The following ADCY2 variants were observed in gnomAD, a reference collection of about 807,000 sequenced individuals.
ADCY2 encodes adenylate cyclase type 2.
ADCY2 carries 31 observed loss-of-function variants against 125.2 expected under a neutral mutation model. The observed-to-expected ratio is 0.25, with a 90% CI of 0.19 to 0.33. The LOEUF (loss-of-function observed/expected upper bound fraction) is 0.33, where lower values mean the gene tolerates loss of function less well. ADCY2 is among the 10% of genes least tolerant of loss of function. The pLI is 1.00. For missense variants in ADCY2, 904 were observed against 1,418.2 expected, an observed-to-expected ratio of 0.64 and a Z score of 5.82; for synonymous variants, 512 against 548.4, an observed-to-expected ratio of 0.93 and a Z score of 0.93.
Position 7,396,291 on chromosome 5 carries a change from G to A in ADCY2, c.-6G>A. ...GCGCACGGCGGGCGCCCTGTGAGCG[G>A]CCCCGATGTGGCAGGAGGCGATGCG... On this transcript the variant is annotated 5_prime_UTR_variant, in exon 1 of 25. Coordinates refer to ENST00000338316, the MANE Select transcript of ADCY2 (RefSeq NM_020546.3). This position sits in a 1 kb window ranked among gnomAD's most constrained non-coding sequence, Gnocchi z 5.7. The A allele has an allele frequency of 3.0e-6, 4 of 1,319,116 alleles. No individual in the cohort carries two copies. Among genetic ancestry groups the A allele is most frequent in the Admixed American group, 3.4e-5 (1 of 29,154 alleles). 81.7% of individuals were successfully genotyped at this position (1,319,116 alleles called of 1,614,324 possible).
chr5:7,760,979 G>T (rs770011952), intron 16 of ADCY2, among the ~76,000 whole-genome samples: 1 of 151,790 alleles, frequency 6.6e-6, no homozygotes, highest in Non-Finnish European at 1.5e-5. Context: ...TTTATTCCAC[G>T]TATGAGATCA....
At chr5:7,756,467 T>C (rs1170589021) in intron 15 of ADCY2, among the ~76,000 whole-genome samples, 1 of 152,140 alleles carries the variant, frequency 6.6e-6, no homozygotes, top group African/African-American at 2.4e-5. Context: ...AAAAAAAGTA[T>C]AGATCCATAC....
At chr5:7,413,520 G>A (rs1472446558) in intron 1 of ADCY2, among the ~76,000 whole-genome samples, 2 of 151,584 alleles carry the variant, frequency 1.3e-5, no homozygotes, top group East Asian at 3.9e-4. Context: ...GGATGGTCTC[G>A]ATCTCCTGAC....
At chr5:7,579,201 A>G (rs1169368853) in intron 3 of ADCY2, among the ~76,000 whole-genome samples, 1 of 152,188 alleles carries the variant, frequency 6.6e-6, no homozygotes, top group Non-Finnish European at 1.5e-5. Context: ...CCCAAAAGAA[A>G]CAGAGCTACG....
chr5:7,751,756 A>G (rs1275087733), intron 15 of ADCY2, among the ~76,000 whole-genome samples: 1 of 152,076 alleles, frequency 6.6e-6, no homozygotes, highest in Non-Finnish European at 1.5e-5. Flanking sequence ...TGGCCCAAGG[A>G]AATATCTTCT....
intron 2 of ADCY2, among the ~76,000 whole-genome samples, chr5:7,447,077 C>T (rs143565174): frequency 6.1e-4 from 93 of 152,014 alleles, no homozygotes; most frequent in Non-Finnish European, 1.1e-3. Flanking sequence ...GTCACAGTTA[C>T]GCTGTCTGTC....
chr5:7,586,966 T>A (rs75391102), intron 3 of ADCY2, among the ~76,000 whole-genome samples: 45,630 of 151,738 alleles, frequency 0.3, 6,914 homozygotes, highest in East Asian at 0.43. Flanking sequence ...CTGTACATTT[T>A]CACACAGGTA....
At chr5:7,784,228 T>A in intron 18 of ADCY2, 137 bp from the exon 19 acceptor site, 1 of 631,136 alleles carries the variant, frequency 1.6e-6, no homozygotes, top group Non-Finnish European at 2.7e-6. Flanking sequence ...GGAAGGAGAT[T>A]TGAAACTTGT....
At chr5:7,608,983 C>G (rs146617010) in intron 3 of ADCY2, among the ~76,000 whole-genome samples, 1 of 152,172 alleles carries the variant, frequency 6.6e-6, no homozygotes, top group African/African-American at 2.4e-5. Context: ...TCTTCACCAC[C>G]CACTTCCCCT....
intron 3 of ADCY2, among the ~76,000 whole-genome samples, chr5:7,610,816 G>A (rs1473881631): frequency 6.6e-6 from 1 of 152,208 alleles, no homozygotes; most frequent in Non-Finnish European, 1.5e-5. Flanking sequence ...ATGCATTGAA[G>A]TGGAGTTAAA....
At chr5:7,401,105 TA>T (rs1739246899) in intron 1 of ADCY2, among the ~76,000 whole-genome samples, 1 of 152,228 alleles carries the variant, frequency 6.6e-6, no homozygotes, top group Admixed American at 6.5e-5. Flanking sequence ...TCCTTGTTTG[TA>T]AAATGGCATG....
At chr5:7,775,110 G>A (rs1041109321) in intron 18 of ADCY2, among the ~76,000 whole-genome samples, 4 of 151,640 alleles carry the variant, frequency 2.6e-5, no homozygotes, top group Non-Finnish European at 5.9e-5. Flanking sequence ...GGGTTCAAGC[G>A]ATTTTCCTGC....
At chr5:7,757,312 C>T in intron 15 of ADCY2, 137 bp from the exon 16 acceptor site, 1 of 1,134,442 alleles carries the variant, frequency 8.8e-7, no homozygotes, top group Non-Finnish European at 1.3e-6. Flanking sequence ...GTATGGGTCC[C>T]CAGGGGAGGA....
At chr5:7,425,638 A>C (rs1159142056) in intron 2 of ADCY2, among the ~76,000 whole-genome samples, 2 of 152,242 alleles carry the variant, frequency 1.3e-5, no homozygotes, top group Admixed American at 6.5e-5. Context: ...TGTATTTCAA[A>C]TATATTTTTT....
At position 7,443,245 on chromosome 5, in the gene ADCY2, CTTAT is replaced by C. The variant is rs1260588887; in HGVS notation, c.408+28479_408+28482del. On this transcript the variant is annotated intron_variant, in intron 2 of 24. Coordinates refer to ENST00000338316, the MANE Select transcript of ADCY2 (RefSeq NM_020546.3). ...AGACCATGAGTTTATGCTAACATTT[CTTAT>C]TTAAATTTAAAATTATGAGATCGGA... Among the ~76,000 whole-genome samples the C allele has an allele frequency of 7.2e-5, 11 of 152,234 alleles. No homozygotes were observed. The East Asian group carries it at 2.1e-3, about 29-fold the overall frequency.
chr5:7,503,241 T>G (rs1743663261), intron 2 of ADCY2, among the ~76,000 whole-genome samples: 1 of 152,180 alleles, frequency 6.6e-6, no homozygotes, highest in Non-Finnish European at 1.5e-5. Flanking sequence ...CTCATATAAG[T>G]GCTTTTAATT....
At position 7,709,914 on chromosome 5, in the gene ADCY2, G is replaced by A. The variant is rs1162361307; in HGVS notation, c.1578+527G>A. Reference sequence around the variant, plus strand: ...CAGGGACATCTGCGATAAGATGGCTGCAATGGAGAAGGAAAATAGAAAGGC... The same window carrying A: ...CAGGGACATCTGCGATAAGATGGCTACAATGGAGAAGGAAAATAGAAAGGC... On this transcript the variant is annotated intron_variant, in intron 10 of 24. Coordinates refer to ENST00000338316, the MANE Select transcript of ADCY2 (RefSeq NM_020546.3). The surrounding 1 kb of genome is among the most constrained non-coding windows in gnomAD (Gnocchi z 4.4). 6.6e-6 allele frequency among the ~76,000 whole-genome samples: 1 copy of A among 152,174 alleles called. No individual in the cohort carries two copies. The highest frequency in any genetic ancestry group is 1.5e-5 in the Non-Finnish European group (1 of 68,036).
At chr5:7,721,388 G>T (rs1434290695) in intron 12 of ADCY2, among the ~76,000 whole-genome samples, 1 of 152,182 alleles carries the variant, frequency 6.6e-6, no homozygotes, top group Non-Finnish European at 1.5e-5. Context: ...CTGTGCAGAA[G>T]CTCTTTAGTT....
chr5:7,621,271 A>G (rs1188506382), intron 3 of ADCY2, among the ~76,000 whole-genome samples: 1 of 152,240 alleles, frequency 6.6e-6, no homozygotes, highest in South Asian at 2.1e-4. Context: ...CATGAGCTGA[A>G]CCAGTAAAGA....
Sources: allele counts gnomAD v4.1 joint callset (sites outside exome capture counted in the v4.1 genomes callset), GRCh38; gene constraint gnomAD v4.1.1; non-coding constraint Gnocchi (gnomAD v3.1); transcripts MANE v1.5; gene names NCBI Gene and HGNC (gene_info 2026-07-23, HGNC 2026-07-21).